TBCD: variants seen among roughly 807,000 people sequenced by gnomAD.
TBCD encodes the protein tubulin folding cofactor D, also known as tubulin-specific chaperone D.
TBCD carries 105 observed loss-of-function variants against 169.3 expected under a neutral mutation model. The observed-to-expected ratio is 0.62, with a 90% CI of 0.53 to 0.73. The LOEUF (loss-of-function observed/expected upper bound fraction) is 0.73, where lower values mean the gene tolerates loss of function less well. Ranked by LOEUF, TBCD falls within the 30% of genes least tolerant of loss-of-function variation. The pLI is 0.00. For missense variants in TBCD, 1,444 were observed against 1,600.1 expected (o/e 0.90, Z 1.66); for synonymous variants, 700 against 643.9 (o/e 1.09, Z -1.32).
chr17:82,941,513 G>T lies in TBCD; in HGVS notation c.3564+30G>T, dbSNP rs79452663. The T allele has an allele frequency of 0.024, 37,068 of 1,549,762 alleles. 789 individuals carry two copies. Among genetic ancestry groups the T allele is most frequent in the African/African-American group, 0.11 (8,089 of 73,526 alleles). ...CCCTGTCACCTTCACAGCATGAGGTGCCTGTGCTTCCCTGAGCTCTGGAAT... is the reference window on the plus strand; with the variant it reads ...CCCTGTCACCTTCACAGCATGAGGTTCCTGTGCTTCCCTGAGCTCTGGAAT... On this transcript the variant is annotated intron_variant, in intron 38 of 38. Transcript: ENST00000355528.
intron 4 of TBCD, 41 bp downstream of exon 4, chr17:82,766,409 G>A (rs1227260757): frequency 6.7e-7 from 1 of 1,498,652 alleles, no homozygotes; most frequent in South Asian, 1.2e-5. Context: ...AGCCCTCCGT[G>A]CCTGTCCTTC....
chr17:82,791,501 A>T (rs1165603133), intron 7 of TBCD, among the ~76,000 whole-genome samples: 1 of 151,832 alleles, frequency 6.6e-6, no homozygotes, highest in African/African-American at 2.4e-5. Flanking sequence ...CTTCTGTGGG[A>T]ACTGTTGCCT....
intron 1 of TBCD, among the ~76,000 whole-genome samples, chr17:82,755,316 G>T (rs2047344979): frequency 6.6e-6 from 1 of 152,118 alleles, no homozygotes; most frequent in Non-Finnish European, 1.5e-5. Flanking sequence ...AGACTAAAAA[G>T]GTACCAGACT....
rs2057659941 is a variant in TBCD at position 82,872,621 on chromosome 17, C to T, written c.1475+2241C>T. On this transcript the variant is annotated intron_variant, in intron 14 of 38. Coordinates refer to ENST00000355528, the MANE Select transcript of TBCD (RefSeq NM_005993.5). ...CTCCTGCACTTCTAGGAAGTTGATC[C>T]TGTAACTAGGAAGTGAAAGCAAAAA... is the stretch of plus-strand genomic sequence containing the variant. Among the ~76,000 whole-genome samples, 5 of 152,358 alleles carry T rather than the reference C, an allele frequency of 3.3e-5. No homozygotes were observed. The South Asian group carries it at 1.0e-3, about 32-fold the overall frequency.
intron 4 of TBCD, among the ~76,000 whole-genome samples, chr17:82,767,666 C>G (rs895277667): frequency 6.6e-6 from 1 of 152,078 alleles, no homozygotes. Context: ...GTTTAGGACT[C>G]TTGACCTCGG....
At position 82,922,019 on chromosome 17, in the gene TBCD, C is replaced by T. The variant is rs149757208; in HGVS notation, c.2178+442C>T. On this transcript the variant is annotated intron_variant, in intron 25 of 38. Coordinates refer to ENST00000355528, the MANE Select transcript of TBCD (RefSeq NM_005993.5). The surrounding 1 kb of genome is among the most constrained non-coding windows in gnomAD (Gnocchi z 4.1). Reference sequence around the variant, plus strand: ...GGGTGCCAGTGTGTGTGTGTGTCCCCGGCCACCTGCCCTCCCCTCCCGTCC... The same window carrying T: ...GGGTGCCAGTGTGTGTGTGTGTCCCTGGCCACCTGCCCTCCCCTCCCGTCC... Among the ~76,000 whole-genome samples, 7 of 152,206 alleles carry T rather than the reference C, an allele frequency of 4.6e-5. No homozygotes were observed. Among genetic ancestry groups the T allele is most frequent in the East Asian group, 1.9e-4 (1 of 5,172 alleles).
chr17:82,932,703 C>T lies in TBCD; in HGVS notation c.3159C>T (p.His1053=), dbSNP rs373820238. 4 of 1,613,886 alleles carry T rather than the reference C, an allele frequency of 2.5e-6. No homozygotes were observed. Among genetic ancestry groups the T allele is most frequent in the Non-Finnish European group, 3.4e-6 (4 of 1,179,882 alleles). Residue 1053 remains histidine, a synonymous_variant, in exon 34 of 39, where the codon CAC becomes CAT. Transcript: ENST00000355528. ...LLKTLDHVLT[H]GCFDIFTTEE... The stretch of plus-strand genomic sequence containing the variant: ...AGACGCTGGACCACGTGCTCACCCA[C>T]GGCTGCTTCGACATCTTCACCACGG...
At chr17:82,858,740 G>A (rs1161484581) in intron 13 of TBCD, 1 of 788,134 alleles carries the variant, frequency 1.3e-6, no homozygotes, top group Admixed American at 6.2e-5. Flanking sequence ...AATCGACTGA[G>A]TGTGTGAAGG....
intron 12 of TBCD, among the ~76,000 whole-genome samples, chr17:82,811,263 T>C (rs1403351091): frequency 6.6e-6 from 1 of 152,204 alleles, no homozygotes; most frequent in African/African-American, 2.4e-5. Flanking sequence ...TTTGCCTCTC[T>C]CCTCCAGCCG....
intron 20 of TBCD, among the ~76,000 whole-genome samples, chr17:82,907,560 C>T (rs1304028180): frequency 6.6e-6 from 1 of 152,174 alleles, no homozygotes; most frequent in African/African-American, 2.4e-5. Context: ...CAGTAGAATA[C>T]AAAAATAATC....
At chr17:82,899,834 C>T (rs1433220782) in intron 17 of TBCD, among the ~76,000 whole-genome samples, 9 of 152,128 alleles carry the variant, frequency 5.9e-5, no homozygotes, top group East Asian at 5.8e-4. Context: ...GTGGGGGTAA[C>T]GATTTAACAA....
intron 17 of TBCD, among the ~76,000 whole-genome samples, chr17:82,898,360 C>T (rs1204892948): frequency 2.7e-5 from 4 of 150,448 alleles, no homozygotes; most frequent in African/African-American, 9.8e-5. Flanking sequence ...GGTGGGAGCA[C>T]ACGGCACGGC....
At chr17:82,860,562 T>A in intron 13 of TBCD, 1 of 564,336 alleles carries the variant, frequency 1.8e-6, no homozygotes, top group Non-Finnish European at 2.2e-6. Context: ...AACAGGAACC[T>A]GAGGAGGGCT....
intron 13 of TBCD, chr17:82,830,881 G>T: frequency 1.2e-6 from 2 of 1,612,706 alleles, no homozygotes; most frequent in Non-Finnish European, 1.7e-6. Context: ...ATTGAGGCTA[G>T]AAGAAGCCAA....
chr17:82,920,951 A>C lies in TBCD; in HGVS notation c.2101+333A>C. The C allele has an allele frequency of 2.9e-6, 1 of 340,668 alleles. No individual in the cohort carries two copies. The highest frequency in any genetic ancestry group is 5.4e-6 in the Non-Finnish European group (1 of 185,676). 21.1% of individuals were successfully genotyped at this position (340,668 alleles called of 1,614,324 possible). ...GCCACCCAGGCCCTCGTGGACCAGG[A>C]GCGTGCCGGCCGCCGACACCACGGA... On this transcript the variant is annotated intron_variant, in intron 24 of 38. Transcript: ENST00000355528. The surrounding 1 kb of genome is among the most constrained non-coding windows in gnomAD (Gnocchi z 4.1).
chr17:82,827,110 T>C (rs913125916), intron 13 of TBCD, among the ~76,000 whole-genome samples: 6 of 152,202 alleles, frequency 3.9e-5, no homozygotes, highest in East Asian at 1.9e-4. Context: ...AGAAGTCTTA[T>C]TCATTCAAGT....
intron 7 of TBCD, among the ~76,000 whole-genome samples, chr17:82,792,036 A>G (rs569610443): frequency 6.6e-6 from 1 of 152,364 alleles, no homozygotes; most frequent in Non-Finnish European, 1.5e-5. Flanking sequence ...TCAGCTGGGC[A>G]CGGTGGATCA....
At chr17:82,857,044 T>G (rs143208326) in intron 13 of TBCD, among the ~76,000 whole-genome samples, 1 of 152,358 alleles carries the variant, frequency 6.6e-6, no homozygotes, top group African/African-American at 2.4e-5. Flanking sequence ...CCAAGCTGTT[T>G]CCACAGACGC....
intron 34 of TBCD, among the ~76,000 whole-genome samples, chr17:82,935,533 A>C (rs1360634022): frequency 3.0e-5 from 4 of 135,332 alleles, no homozygotes; most frequent in African/African-American, 1.1e-4. Context: ...TTGTCATTCC[A>C]TTGTTTTCAT....
Sources: allele counts gnomAD v4.1 joint callset (sites outside exome capture counted in the v4.1 genomes callset), GRCh38; gene constraint gnomAD v4.1.1; non-coding constraint Gnocchi (gnomAD v3.1); transcripts MANE v1.5; gene names NCBI Gene and HGNC (gene_info 2026-07-23, HGNC 2026-07-21).